Variants in CALN1 observed in about 807,000 individuals in gnomAD.
CALN1 encodes the protein calneuron 1.
CALN1 carries 17 observed loss-of-function variants against 30.6 expected under a neutral mutation model. The observed-to-expected ratio is 0.56, with a 90% CI of 0.38 to 0.83. The LOEUF is 0.83. Among genes scored for constraint, CALN1 ranks in the 40% least tolerant of loss-of-function variants. CALN1 has a pLI of 0.00. For missense variants in CALN1, 291 were observed against 354.9 expected (o/e 0.82, Z 1.45); for synonymous variants, 156 against 131.4 (o/e 1.19, Z -1.28).
At chr7:72,071,405 T>TC (rs1388827663) in intron 4 of CALN1, among the ~76,000 whole-genome samples, 1 of 152,164 alleles carries the variant, frequency 6.6e-6, no homozygotes, top group Non-Finnish European at 1.5e-5. Flanking sequence ...GAGGCAGCAC[T>TC]ATTTTCCCCC....
At chr7:71,900,362 T>G (rs1793783104) in intron 5 of CALN1, among the ~76,000 whole-genome samples, 1 of 152,102 alleles carries the variant, frequency 6.6e-6, no homozygotes, top group Non-Finnish European at 1.5e-5. Flanking sequence ...AAAGACAAAG[T>G]CAAATTATCT....
chr7:72,501,180 T>C, the CALN1 span, among the ~76,000 whole-genome samples: 59 of 150,188 alleles, frequency 3.9e-4, no homozygotes, highest in African/African-American at 1.4e-3. Flanking sequence ...TAAGTTGGGG[T>C]AACAAGTGAA....
At chr7:72,053,496 G>T (rs181902275) in intron 4 of CALN1, among the ~76,000 whole-genome samples, 3 of 152,042 alleles carry the variant, frequency 2.0e-5, no homozygotes, top group Non-Finnish European at 4.4e-5. Flanking sequence ...ACTGCCTTTC[G>T]CAAGGGCTGA....
At chr7:72,371,514 T>A (rs746114476) in intron 2 of CALN1, among the ~76,000 whole-genome samples, 1 of 152,214 alleles carries the variant, frequency 6.6e-6, no homozygotes, top group African/African-American at 2.4e-5. Flanking sequence ...CCTGCCATCA[T>A]GTGAAGAAGG....
At chr7:71,950,361 G>A (rs959132714) in intron 5 of CALN1, among the ~76,000 whole-genome samples, 2 of 152,186 alleles carry the variant, frequency 1.3e-5, no homozygotes, top group Non-Finnish European at 2.9e-5. Flanking sequence ...TGGAAGGGTT[G>A]AGAATAGGAT....
chr7:72,357,321 G>A (rs1444738202), intron 2 of CALN1, among the ~76,000 whole-genome samples: 1 of 152,036 alleles, frequency 6.6e-6, no homozygotes, highest in East Asian at 1.9e-4. Flanking sequence ...CTCGGAATGA[G>A]AAAGGTTCCT....
At chr7:71,834,114 C>T (rs1484656647) in intron 5 of CALN1, among the ~76,000 whole-genome samples, 5 of 147,204 alleles carry the variant, frequency 3.4e-5, no homozygotes, top group Non-Finnish European at 7.4e-5. Flanking sequence ...CCCAGCTACT[C>T]GGGAGGCCGA....
chr7:72,200,548 A>C (rs183990939), intron 3 of CALN1, among the ~76,000 whole-genome samples: 1 of 152,182 alleles, frequency 6.6e-6, no homozygotes, highest in African/African-American at 2.4e-5. Context: ...GAGTAGCTCC[A>C]TAACTAGCTC....
intron 3 of CALN1, among the ~76,000 whole-genome samples, chr7:72,277,036 G>A (rs535213873): frequency 2.6e-5 from 4 of 151,850 alleles, no homozygotes; most frequent in East Asian, 1.9e-4. Context: ...TGAACTGTGC[G>A]AAATAAATTT....
intron 2 of CALN1, among the ~76,000 whole-genome samples, chr7:72,292,835 G>C (rs117381883): frequency 1.5e-5 from 1 of 68,176 alleles, no homozygotes; most frequent in East Asian, 4.5e-4. Context: ...AAAAAAAAAA[G>C]AATTTCAACA....
intron 4 of CALN1, among the ~76,000 whole-genome samples, chr7:72,082,009 C>CA (rs1805177556): frequency 6.6e-6 from 1 of 151,952 alleles, no homozygotes; most frequent in South Asian, 2.1e-4. Context: ...TCTTTTGAGA[C>CA]AGAGTCTTGC....
At chr7:72,195,422 G>A (rs1022839225) in intron 3 of CALN1, among the ~76,000 whole-genome samples, 15 of 152,178 alleles carry the variant, frequency 9.9e-5, no homozygotes, top group African/African-American at 2.2e-4. Context: ...CTGCCACCCC[G>A]GCTGGAGTGC....
intron 2 of CALN1, among the ~76,000 whole-genome samples, chr7:72,401,796 T>C (rs1806358455): frequency 6.6e-6 from 1 of 152,236 alleles, no homozygotes; most frequent in Admixed American, 6.5e-5. Context: ...GATCTAGAGG[T>C]AGGCAAATAT....
At chr7:71,937,318 A>C (rs1282997349) in intron 5 of CALN1, among the ~76,000 whole-genome samples, 6 of 152,022 alleles carry the variant, frequency 3.9e-5, no homozygotes, top group Non-Finnish European at 8.8e-5. Context: ...CTCAAAACAA[A>C]ACAACACCAA....
upstream of CALN1, among the ~76,000 whole-genome samples, chr7:72,413,725 TACAC>T (rs1466455639): frequency 6.6e-6 from 1 of 151,834 alleles, no homozygotes. Flanking sequence ...CTTACACTTA[TACAC>T]ACACGCACAG....
intron 5 of CALN1, among the ~76,000 whole-genome samples, chr7:71,884,342 TG>T (rs937721632): frequency 1.3e-5 from 2 of 152,108 alleles, no homozygotes; most frequent in Admixed American, 1.3e-4. Flanking sequence ...TCCAGAATCT[TG>T]GGGGGTGTAA....
At chr7:71,886,408 T>C (rs879535971) in intron 5 of CALN1, among the ~76,000 whole-genome samples, 4 of 152,222 alleles carry the variant, frequency 2.6e-5, no homozygotes, top group Non-Finnish European at 4.4e-5. Flanking sequence ...CACTCACGTC[T>C]TTCTGTTGAA....
rs1278810428 is a variant in CALN1, at chr7:72,096,070, T to TAGAC, written c.388+10080_388+10081insGTCT. Among the ~76,000 whole-genome samples the TAGAC allele has an allele frequency of 3.6e-4, 55 of 151,672 alleles. No individual in the cohort carries two copies. The South Asian group carries it at 6.0e-3, about 17-fold the overall frequency. On this transcript the variant is annotated intron_variant, in intron 4 of 6. Transcript: ENST00000395275. ...ATAGATAGATAGATAGATAGATAGA[T>TAGAC]AGATAGATAGATAGATAGATAAAGA...
intron 5 of CALN1, among the ~76,000 whole-genome samples, chr7:71,873,862 T>A (rs545306862): frequency 6.6e-6 from 1 of 152,384 alleles, no homozygotes; most frequent in Non-Finnish European, 1.5e-5. Flanking sequence ...TAACAACTAT[T>A]CTGTTGCAAA....
Sources: gnomAD v4.1 joint callset for allele counts (sites outside exome capture counted in the v4.1 genomes callset) on GRCh38, gnomAD v4.1.1 for gene constraint, MANE v1.5 for transcripts, NCBI Gene and HGNC (gene_info 2026-07-23, HGNC 2026-07-21) for gene names.